TMEM164: variants seen among roughly 807,000 people sequenced by gnomAD.
TMEM164 encodes the protein transmembrane protein 164, also known as RP13-360B22.2.
TMEM164 carries 4 observed loss-of-function variants against 18.8 expected under a neutral mutation model. That is an observed-to-expected ratio of 0.21 (90% confidence interval 0.10 to 0.49). The LOEUF is 0.49. TMEM164 is among the 20% of genes least tolerant of loss of function. The pLI, the probability that TMEM164 is intolerant of heterozygous loss-of-function variation, is 0.98. For missense variants in TMEM164, 108 were observed against 239.9 expected (o/e 0.45, Z 3.63); for synonymous variants, 86 against 101.7 (o/e 0.85, Z 0.93).
At chrX:110,117,182 C>G (rs2066381448) in intron 4 of TMEM164, among the ~76,000 whole-genome samples, 1 of 111,183 alleles carries the variant, frequency 9.0e-6, no homozygotes, top group African/African-American at 3.3e-5. Flanking sequence ...GTAACTTGTA[C>G]AGGGGGGCAC....
chrX:110,041,900 G>A (rs1935111352), intron 2 of TMEM164, among the ~76,000 whole-genome samples: 1 of 111,517 alleles, frequency 9.0e-6, no homozygotes, highest in Non-Finnish European at 1.9e-5. Context: ...GCTGTGCCTT[G>A]ATTGTGGGAT....
chrX:110,063,652 T>C (rs1337025434), intron 2 of TMEM164, among the ~76,000 whole-genome samples: 1 of 111,517 alleles, frequency 9.0e-6, no homozygotes, highest in East Asian at 2.8e-4. Flanking sequence ...CCGTGGATTT[T>C]TTCTGGGAAA....
At chrX:110,010,783 C>A (rs1208785597) in intron 2 of TMEM164, among the ~76,000 whole-genome samples, 1 of 111,473 alleles carries the variant, frequency 9.0e-6, no homozygotes, top group Non-Finnish European at 1.9e-5. Flanking sequence ...GGATGAGGGC[C>A]CCAAGTTATT....
At chrX:110,051,600 A>C (rs1935563365) in intron 2 of TMEM164, among the ~76,000 whole-genome samples, 1 of 110,176 alleles carries the variant, frequency 9.1e-6, no homozygotes. Context: ...AAAAAAAGAA[A>C]GAAAGAAAGA....
At chrX:110,014,142 A>AATGATG (rs60030480) in intron 2 of TMEM164, among the ~76,000 whole-genome samples, 10 of 108,665 alleles carry the variant, frequency 9.2e-5, no homozygotes, top group East Asian at 8.9e-4. Context: ...AATACATTTA[A>AATGATG]ATGATGATGA....
At chrX:110,115,769 G>A (rs1276584499) in intron 4 of TMEM164, among the ~76,000 whole-genome samples, 3 of 111,657 alleles carry the variant, frequency 2.7e-5, no homozygotes, top group Admixed American at 1.9e-4. Context: ...AAAAGTTATG[G>A]CAATATTAAA....
At chrX:110,118,623 A>G (rs746099903) in intron 4 of TMEM164, among the ~76,000 whole-genome samples, 2 of 111,444 alleles carry the variant, frequency 1.8e-5, no homozygotes, top group Non-Finnish European at 3.8e-5. Context: ...GCTGGACACC[A>G]AATTCCAAAT....
intron 3 of TMEM164, among the ~76,000 whole-genome samples, chrX:110,084,809 T>G (rs2147900958): frequency 9.1e-6 from 1 of 110,348 alleles, no homozygotes; most frequent in East Asian, 2.8e-4. Context: ...TTTGCATGCT[T>G]GGGAGAGCCT....
chrX:110,060,861 A>G (rs1936091721), intron 2 of TMEM164, among the ~76,000 whole-genome samples: 1 of 112,099 alleles, frequency 8.9e-6, no homozygotes, highest in Non-Finnish European at 1.9e-5. Flanking sequence ...TCCAATAAGG[A>G]CGATGCTATC....
intron 5 of TMEM164, among the ~76,000 whole-genome samples, chrX:110,155,623 T>A (rs1437312194): frequency 9.0e-6 from 1 of 111,483 alleles, no homozygotes; most frequent in Non-Finnish European, 1.9e-5. Context: ...GCTCTCAGCC[T>A]CTGTTACCAG....
intron 5 of TMEM164, among the ~76,000 whole-genome samples, chrX:110,163,299 C>T (rs1242036159): frequency 1.8e-5 from 2 of 111,954 alleles, no homozygotes; most frequent in African/African-American, 6.5e-5. Flanking sequence ...TTCCAGTAGT[C>T]GCATTAAAAG....
chrX:110,070,719 T>C (rs2065574730), intron 3 of TMEM164, among the ~76,000 whole-genome samples: 1 of 109,782 alleles, frequency 9.1e-6, no homozygotes, highest in Non-Finnish European at 1.9e-5. Flanking sequence ...ACCTCGTCTC[T>C]AACCCCCCAC....
chrX:110,014,688 C>G (rs1933207634), intron 2 of TMEM164, among the ~76,000 whole-genome samples: 1 of 99,356 alleles, frequency 1.0e-5, no homozygotes, highest in Non-Finnish European at 2.0e-5. Flanking sequence ...AAGGAGTGAG[C>G]TTGGGGGAAT....
chrX:110,024,519 C>T (rs1392451635), intron 2 of TMEM164, among the ~76,000 whole-genome samples: 1 of 111,900 alleles, frequency 8.9e-6, no homozygotes, highest in Non-Finnish European at 1.9e-5. Context: ...TCTAGCCTCA[C>T]GTGATCCTCC....
downstream of TMEM164, among the ~76,000 whole-genome samples, chrX:110,179,024 A>G (rs2067312783): frequency 9.0e-6 from 1 of 111,403 alleles, no homozygotes; most frequent in African/African-American, 3.3e-5. Context: ...GTGGTGTGGA[A>G]GATGAGAGAG....
At chrX:110,064,820 AT>A (rs1207428340) in intron 2 of TMEM164, among the ~76,000 whole-genome samples, 1 of 107,607 alleles carries the variant, frequency 9.3e-6, no homozygotes, top group South Asian at 4.2e-4. Flanking sequence ...CCACAAAAAA[AT>A]AAAAATAAAA....
chrX:110,095,662 C>T (rs1266892729), intron 3 of TMEM164, among the ~76,000 whole-genome samples: 3 of 112,267 alleles, frequency 2.7e-5, no homozygotes, highest in Non-Finnish European at 3.8e-5. Flanking sequence ...TATTACCGAT[C>T]GTCTGAAGCC....
chrX:110,128,970 G>A lies in TMEM164; in HGVS notation c.508-15828G>A, dbSNP rs144390042. Among the ~76,000 whole-genome samples the A allele has an allele frequency of 4.5e-3, 500 of 110,173 alleles. 1 individual carries two copies. The highest frequency in any genetic ancestry group is 0.015 in the African/African-American group (460 of 30,284). On this transcript the variant is annotated intron_variant, in intron 4 of 6. Transcript: ENST00000372068. ...CTTTATTTTAAATATTATTATTTTT[G>A]TTGCTTTACTGTAAGTTGCTTATTT...
At position 110,020,622 on chromosome X, in the gene TMEM164, C is replaced by T. The variant is rs757875964; in HGVS notation, c.390+16458C>T. On this transcript the variant is annotated intron_variant, in intron 2 of 6. Transcript: ENST00000372068. ...GAAGGCAGGAGCTGGTCCTCTATGT[C>T]ATGAAATGTAGAGGGTGAGGCCAAG... 234 of 752,407 alleles carry T rather than the reference C, an allele frequency of 3.1e-4. No individual in the cohort carries two copies. The African/African-American group carries it at 4.5e-3, about 14-fold the overall frequency. The allele number at this position is 752,407 out of a possible 1,213,427, so 62.0% of individuals were successfully genotyped here.
Sources: allele counts gnomAD v4.1 joint callset (sites outside exome capture counted in the v4.1 genomes callset), GRCh38; gene constraint gnomAD v4.1.1; transcripts MANE v1.5; gene names NCBI Gene and HGNC (gene_info 2026-07-23, HGNC 2026-07-21).